TENM1: variants seen among roughly 807,000 people sequenced by gnomAD.
TENM1 encodes the protein teneurin transmembrane protein 1, also known as teneurin-1.
Under a neutral mutation model 174.8 loss-of-function variants are expected in TENM1, and 35 were observed. That is an observed-to-expected ratio of 0.20 (90% CI 0.15 to 0.27). The LOEUF is 0.27. TENM1 is among the 10% of genes least tolerant of loss of function. The pLI is 1.00. For missense variants in TENM1, 1,633 were observed against 2,130.1 expected (o/e 0.77, Z 4.59); for synonymous variants, 781 against 798.7 (o/e 0.98, Z 0.37).
chrX:124,939,310 C>T (rs2058291636), intron 1 of TENM1, among the ~76,000 whole-genome samples: 1 of 111,081 alleles, frequency 9.0e-6, no homozygotes, highest in African/African-American at 3.3e-5. Context: ...CTCCTAACTT[C>T]TGCTCTTTTC....
At chrX:124,626,533 T>G (rs999179698) in intron 11 of TENM1, among the ~76,000 whole-genome samples, 1 of 112,198 alleles carries the variant, frequency 8.9e-6, no homozygotes, top group African/African-American at 3.2e-5. Flanking sequence ...CTTTTGGTCC[T>G]GATTCAGTTT....
chrX:125,178,626 A>G, the TENM1 span, among the ~76,000 whole-genome samples: 4 of 111,924 alleles, frequency 3.6e-5, no homozygotes, highest in Non-Finnish European at 7.5e-5. Flanking sequence ...ATATTCTGCC[A>G]TACTTTGATT....
At chrX:124,833,877 G>A (rs902285166) in intron 3 of TENM1, among the ~76,000 whole-genome samples, 6 of 110,648 alleles carry the variant, frequency 5.4e-5, no homozygotes, top group Non-Finnish European at 1.1e-4. Flanking sequence ...TCATGTCAGG[G>A]ACTGTGCCAC....
At chrX:125,191,740 A>G in the TENM1 span, among the ~76,000 whole-genome samples, 1 of 111,657 alleles carries the variant, frequency 9.0e-6, no homozygotes, top group African/African-American at 3.3e-5. Flanking sequence ...TGGTGGTGTG[A>G]TCCTGAAAGA....
Position 124,425,456 on chromosome X carries a change from G to T in TENM1, c.4105-2818C>A, listed in dbSNP as rs182306455. On this transcript the variant is annotated intron_variant, in intron 23 of 31. Transcript: ENST00000422452. ...GATTAGATAAGGTCATAAGGGTGGG[G>T]TCCCCATGATGGGACTGGTGGCTTT... Among the ~76,000 whole-genome samples, 4 of 111,532 alleles carry T rather than the reference G, an allele frequency of 3.6e-5. No homozygotes were observed. The East Asian group carries it at 1.1e-3, about 32-fold the overall frequency.
chrX:124,817,563 T>C (rs2055930780), intron 3 of TENM1, among the ~76,000 whole-genome samples: 1 of 111,736 alleles, frequency 8.9e-6, no homozygotes, highest in South Asian at 3.7e-4. Context: ...GGAAATCTTA[T>C]ACTAAGTGGT....
At position 124,515,531 on chromosome X, in the gene TENM1, G is replaced by A. The variant is rs569044861; in HGVS notation, c.3301+4986C>T. On this transcript the variant is annotated intron_variant, in intron 18 of 31. Coordinates refer to ENST00000422452, the Ensembl canonical transcript of TENM1. Reference sequence around the variant, plus strand: ...CAAAATCAATGTACAAAAATCACTAGCATTCCTATACACCACCAACAGCCA... The same window carrying A: ...CAAAATCAATGTACAAAAATCACTAACATTCCTATACACCACCAACAGCCA... Among the ~76,000 whole-genome samples, 157 of 111,077 alleles carry A rather than the reference G, an allele frequency of 1.4e-3. 1 individual carries two copies. Among genetic ancestry groups the A allele is most frequent in the African/African-American group, 4.9e-3 (151 of 30,561 alleles).
At chrX:124,705,143 A>T (rs1569402832) in exon 5 of TENM1, 1 of 1,211,379 alleles carries the variant, frequency 8.3e-7, no homozygotes, top group East Asian at 3.0e-5. Flanking sequence ...TGCTTCGAGG[A>T]AGAGGCCTGG....
intron 1 of TENM1, among the ~76,000 whole-genome samples, chrX:124,958,191 T>A (rs2058605829): frequency 8.9e-6 from 1 of 111,784 alleles, no homozygotes. Context: ...ATTCAAAAGC[T>A]TTTGGAAAAT....
rs538674376 is a variant in TENM1 at position 124,805,361 on chromosome X, A to G, written c.536-68164T>C. 1.2e-4 allele frequency among the ~76,000 whole-genome samples: 13 copies of G among 112,618 alleles called. No individual in the cohort carries two copies. The South Asian group carries it at 4.5e-3, about 39-fold the overall frequency. ...AAATAGGCATTAATAGAAGCAATAT[A>G]TAATAGTTCTAACCTTGAGAGCCTG... On this transcript the variant is annotated intron_variant, in intron 3 of 31. Transcript: ENST00000422452.
the TENM1 span, among the ~76,000 whole-genome samples, chrX:125,061,329 C>T: frequency 1.8e-5 from 2 of 111,607 alleles, no homozygotes; most frequent in African/African-American, 6.5e-5. Context: ...TGCATGTGAG[C>T]TCATGACCGT....
the TENM1 span, among the ~76,000 whole-genome samples, chrX:125,025,236 C>T: frequency 9.0e-6 from 1 of 110,526 alleles, no homozygotes; most frequent in Admixed American, 9.7e-5. Context: ...TTAATTGAGA[C>T]CATGTATGTA....
chrX:124,976,524 C>T, the TENM1 span, among the ~76,000 whole-genome samples: 4 of 111,836 alleles, frequency 3.6e-5, no homozygotes, highest in Admixed American at 2.9e-4. Context: ...TCCTACAGAG[C>T]ATCTGAAAAA....
At chrX:125,102,105 C>A in the TENM1 span, among the ~76,000 whole-genome samples, 4 of 111,437 alleles carry the variant, frequency 3.6e-5, no homozygotes, top group African/African-American at 1.3e-4. Context: ...GCATTGTGGG[C>A]TGGAGTTGGC....
intron 11 of TENM1, among the ~76,000 whole-genome samples, chrX:124,614,891 C>A (rs745557439): frequency 1.1e-4 from 12 of 111,295 alleles, no homozygotes; most frequent in South Asian, 3.8e-4. Flanking sequence ...CACACACACA[C>A]AAAAAAAGCA....
chrX:124,964,900 T>C (rs1204953978), upstream of TENM1, among the ~76,000 whole-genome samples: 1 of 112,197 alleles, frequency 8.9e-6, no homozygotes, highest in Non-Finnish European at 1.9e-5. Flanking sequence ...CCATATGTAT[T>C]TTCAAAGAAA....
In TENM1 at chrX:124,497,269, G is replaced by A. The variant is rs190315810; in HGVS notation, c.3446-4C>T. 223 of 1,190,680 alleles carry A rather than the reference G, an allele frequency of 1.9e-4. No homozygotes were observed. In the African/African-American group the frequency reaches 3.6e-3, roughly 19 times the overall value. ...CCATTCCCTTTATGTATGATTCCTA[G>A]ATTCAAGGAAAACAAAAAGAGAATT... On this transcript the variant is annotated splice_region_variant and splice_polypyrimidine_tract_variant and intron_variant, in intron 19 of 31. Transcript: ENST00000422452.
intron 4 of TENM1, among the ~76,000 whole-genome samples, chrX:124,725,925 C>T (rs1471144008): frequency 8.9e-6 from 1 of 112,333 alleles, no homozygotes; most frequent in Admixed American, 9.4e-5. Context: ...AGTAACTTTG[C>T]AGTGAATGAA....
chrX:124,412,332 G>T (rs1033633664), intron 25 of TENM1, among the ~76,000 whole-genome samples: 2 of 112,698 alleles, frequency 1.8e-5, no homozygotes, highest in African/African-American at 6.4e-5. Context: ...TCTTGTCCTT[G>T]AGAAGCATAT....
Sources: allele counts gnomAD v4.1 joint callset (sites outside exome capture counted in the v4.1 genomes callset), GRCh38; gene constraint gnomAD v4.1.1; transcripts MANE v1.5; gene names NCBI Gene and HGNC (gene_info 2026-07-23, HGNC 2026-07-21).